Variants in AOPEP observed in about 807,000 individuals in gnomAD.
AOPEP encodes aminopeptidase O (putative), also known as aminopeptidase O.
In AOPEP, 77 loss-of-function variants were observed where a neutral mutation model predicts 98.1. The observed-to-expected ratio is 0.78, with a 90% CI of 0.65 to 0.95. The LOEUF is 0.95. Ranked by LOEUF, AOPEP falls within the 40% of genes least tolerant of loss-of-function variation. The pLI is 0.00. For synonymous variants in AOPEP, 346 were observed against 365.3 expected (o/e 0.95, Z 0.60); for missense variants, 1,024 against 1,024.7 (o/e 1.00, Z 0.01).
chr9:95,086,239 C>A, intron 16 of AOPEP: 2 of 1,252,252 alleles, frequency 1.6e-6, no homozygotes, highest in South Asian at 2.7e-5. Flanking sequence ...TGTGCTCCTG[C>A]GGCGTGGGGG....
intron 10 of AOPEP, among the ~76,000 whole-genome samples, chr9:94,973,658 G>T (rs891740816): frequency 2.6e-5 from 4 of 152,196 alleles, no homozygotes; most frequent in African/African-American, 7.2e-5. Flanking sequence ...TACCCAGGAG[G>T]CCCAGGGCTA....
At chr9:95,117,578 CT>C in the AOPEP span, among the ~76,000 whole-genome samples, 3 of 139,290 alleles carry the variant, frequency 2.2e-5, no homozygotes, top group Non-Finnish European at 4.6e-5. Flanking sequence ...AATAATTAAC[CT>C]TTTTAAAGTC....
chr9:94,967,406 G>T (rs1047576730), intron 9 of AOPEP, among the ~76,000 whole-genome samples: 1 of 152,184 alleles, frequency 6.6e-6, no homozygotes, highest in African/African-American at 2.4e-5. Context: ...CTCTAGGGAA[G>T]GTTCAGGAAT....
chr9:95,125,288 A>G, the AOPEP span: 2 of 893,870 alleles, frequency 2.2e-6, no homozygotes. Context: ...TTTTTGTGCC[A>G]TAAGCTTCAG....
intron 10 of AOPEP, among the ~76,000 whole-genome samples, chr9:94,971,365 A>C (rs1461283278): frequency 6.6e-6 from 1 of 152,178 alleles, no homozygotes; most frequent in Non-Finnish European, 1.5e-5. Flanking sequence ...CAATGAATCG[A>C]TTTCAGCAGG....
chr9:95,004,263 T>C (rs1208025064), intron 11 of AOPEP: 1 of 456,744 alleles, frequency 2.2e-6, no homozygotes, highest in Non-Finnish European at 4.4e-6. Context: ...AGGAAAATCT[T>C]GGGGTATCGC....
chr9:94,832,868 A>G (rs1405697287), intron 5 of AOPEP, among the ~76,000 whole-genome samples: 2 of 147,178 alleles, frequency 1.4e-5, no homozygotes, highest in Admixed American at 6.7e-5. Flanking sequence ...AAGCGGGGGA[A>G]AAGGTCGGGG....
chr9:94,810,867 C>G (rs1031111550), intron 5 of AOPEP, among the ~76,000 whole-genome samples: 1 of 152,138 alleles, frequency 6.6e-6, no homozygotes, highest in African/African-American at 2.4e-5. Context: ...GGGGCCCCTT[C>G]TTTTCATAAT....
intron 13 of AOPEP, among the ~76,000 whole-genome samples, chr9:95,047,650 A>G (rs1000838071): frequency 2.0e-5 from 3 of 152,100 alleles, no homozygotes; most frequent in East Asian, 3.8e-4. Flanking sequence ...AGGAATACCT[A>G]CCTCTCACTT....
At chr9:94,813,814 C>T (rs1851134386) in intron 5 of AOPEP, among the ~76,000 whole-genome samples, 1 of 152,190 alleles carries the variant, frequency 6.6e-6, no homozygotes, top group Admixed American at 6.5e-5. Context: ...CCCAGACAAC[C>T]AAGAACATTT....
chr9:94,782,052 G>C (rs1001349260), intron 3 of AOPEP, among the ~76,000 whole-genome samples: 12 of 151,644 alleles, frequency 7.9e-5, no homozygotes, highest in Admixed American at 5.9e-4. Flanking sequence ...AATTAGCCGG[G>C]CGTGGTGGCA....
chr9:94,787,363 T>C (rs1437998978), intron 3 of AOPEP, among the ~76,000 whole-genome samples: 1 of 152,230 alleles, frequency 6.6e-6, no homozygotes, highest in Non-Finnish European at 1.5e-5. Context: ...CGTGGATTTC[T>C]ATTGACCTTG....
chr9:95,126,365 G>C, the AOPEP span, among the ~76,000 whole-genome samples: 1 of 152,102 alleles, frequency 6.6e-6, no homozygotes, highest in Non-Finnish European at 1.5e-5. Flanking sequence ...ACTGATTTTT[G>C]AGTTTTTACC....
At chr9:95,070,208 C>T (rs976672760) in intron 14 of AOPEP, among the ~76,000 whole-genome samples, 38 of 152,212 alleles carry the variant, frequency 2.5e-4, no homozygotes, top group Admixed American at 6.5e-4. Flanking sequence ...TGCAGAGGCC[C>T]CCCTTACCAG....
intron 14 of AOPEP, among the ~76,000 whole-genome samples, chr9:95,071,158 G>C (rs760572015): frequency 3.9e-5 from 6 of 152,124 alleles, no homozygotes; most frequent in Admixed American, 6.5e-5. Flanking sequence ...AAATGTTTCA[G>C]ATTTCAGATT....
At chr9:95,085,310 C>T (rs549301707) in intron 16 of AOPEP, 2 of 482,482 alleles carry the variant, frequency 4.1e-6, no homozygotes, top group Non-Finnish European at 8.7e-6. Context: ...TTGGCTGCTC[C>T]TCCAGAAACC....
At chr9:94,914,523 C>CGT (rs67826706) in intron 5 of AOPEP, among the ~76,000 whole-genome samples, 14,612 of 143,628 alleles carry the variant, frequency 0.1, 730 homozygotes, top group Non-Finnish European at 0.11. Context: ...TGGCATTAGA[C>CGT]GTGTGTGTGT....
the AOPEP span, among the ~76,000 whole-genome samples, chr9:95,131,934 A>G: frequency 6.6e-6 from 1 of 152,320 alleles, no homozygotes; most frequent in East Asian, 1.9e-4. Context: ...ATTGAGGAGG[A>G]TACTGAGGTA....
At chr9:94,788,496 T>G (rs757198674) in intron 3 of AOPEP, among the ~76,000 whole-genome samples, 2 of 152,192 alleles carry the variant, frequency 1.3e-5, no homozygotes, top group Non-Finnish European at 2.9e-5. Context: ...TGCTTTGTTT[T>G]TTTTTTTTCC....
Sources: gnomAD v4.1 joint callset for allele counts (sites outside exome capture counted in the v4.1 genomes callset) on GRCh38, gnomAD v4.1.1 for gene constraint, MANE v1.5 for transcripts, NCBI Gene and HGNC (gene_info 2026-07-23, HGNC 2026-07-21) for gene names.